Variants in RYR2 observed in about 807,000 individuals in gnomAD.
The protein encoded by RYR2 is ryanodine receptor 2, also known as cardiac muscle ryanodine receptor-calcium release channel.
Under a neutral mutation model 601.1 loss-of-function variants are expected in RYR2, and 227 were observed. The observed-to-expected ratio is 0.38, with a 90% CI of 0.34 to 0.42. The LOEUF (loss-of-function observed/expected upper bound fraction) is 0.42. RYR2 is among the 10% of genes least tolerant of loss of function. The pLI is 1.00. For missense variants in RYR2, 4,646 were observed against 6,156.5 expected, an observed-to-expected ratio of 0.75 and a Z score of 8.21; for synonymous variants, 2,223 against 2,175.1, an observed-to-expected ratio of 1.02 and a Z score of -0.61.
At chr1:237,620,881 C>T (rs1679001130) in intron 38 of RYR2, among the ~76,000 whole-genome samples, 1 of 152,106 alleles carries the variant, frequency 6.6e-6, no homozygotes, top group Non-Finnish European at 1.5e-5. Flanking sequence ...GAAAAATCAG[C>T]TATGACACGG....
intron 2 of RYR2, among the ~76,000 whole-genome samples, chr1:237,311,340 AATCTT>A (rs1475466334): frequency 3.9e-5 from 6 of 152,184 alleles, no homozygotes; most frequent in Non-Finnish European, 7.4e-5. Flanking sequence ...GTTAATTACA[AATCTT>A]ATCTTATGGG....
intron 2 of RYR2, among the ~76,000 whole-genome samples, chr1:237,329,346 T>G (rs1696483321): frequency 6.6e-6 from 1 of 151,818 alleles, no homozygotes; most frequent in African/African-American, 2.4e-5. Context: ...TTTTTTATAT[T>G]TAAAAAAAAT....
chr1:237,316,800 T>C (rs1695158485), intron 2 of RYR2, among the ~76,000 whole-genome samples: 1 of 152,220 alleles, frequency 6.6e-6, no homozygotes, highest in South Asian at 2.1e-4. Context: ...GCTTCTTTCC[T>C]GGGACTATTA....
At chr1:237,678,310 C>A (rs934561679) in intron 61 of RYR2, among the ~76,000 whole-genome samples, 198 bp downstream of exon 61, 6 of 152,178 alleles carry the variant, frequency 3.9e-5, no homozygotes, top group African/African-American at 1.4e-4. Flanking sequence ...CATTCCCTAC[C>A]GCATTCCTTC....
rs669375 is a variant in RYR2 at position 237,654,484 on chromosome 1, A to G, written c.7965+70A>G. The G allele has an allele frequency of 0.23, 335,387 of 1,463,034 alleles. 42,333 individuals are homozygous for G. Among genetic ancestry groups the G allele is most frequent in the East Asian group, 0.49 (21,221 of 43,332 alleles). 90.6% of individuals were successfully genotyped at this position (1,463,034 alleles called of 1,614,324 possible). ...TAGAGCCACACATTCTTAGTAAGATAGTATTCCTAGTTGAATACTATCTTT... is the reference window on the plus strand; with the variant it reads ...TAGAGCCACACATTCTTAGTAAGATGGTATTCCTAGTTGAATACTATCTTT... On this transcript the variant is annotated intron_variant, in intron 52 of 104. Coordinates refer to ENST00000366574, the MANE Select transcript of RYR2 (RefSeq NM_001035.3).
intron 19 of RYR2, among the ~76,000 whole-genome samples, chr1:237,493,303 T>C (rs1412108619): frequency 6.6e-6 from 1 of 152,208 alleles, no homozygotes; most frequent in Non-Finnish European, 1.5e-5. Flanking sequence ...CAAACACATG[T>C]ATAAGAGCTT....
intron 1 of RYR2, among the ~76,000 whole-genome samples, chr1:237,256,922 A>G (rs1480028392): frequency 1.3e-5 from 2 of 152,198 alleles, no homozygotes; most frequent in Admixed American, 6.5e-5. Context: ...GATATAGCCA[A>G]CCTTCTCTTT....
intron 2 of RYR2, among the ~76,000 whole-genome samples, chr1:237,292,875 G>T (rs780120994): frequency 6.6e-6 from 1 of 152,012 alleles, no homozygotes; most frequent in Non-Finnish European, 1.5e-5. Context: ...TGACCGGGCT[G>T]CACTTTGCAT....
At chr1:237,585,065 C>T (rs149303513) in intron 29 of RYR2, among the ~76,000 whole-genome samples, 1 of 152,170 alleles carries the variant, frequency 6.6e-6, no homozygotes, top group African/African-American at 2.4e-5. Context: ...TTTATTGGAA[C>T]ACCACCACGC....
chr1:237,226,395 T>C (rs1684370412), intron 1 of RYR2, among the ~76,000 whole-genome samples: 1 of 152,190 alleles, frequency 6.6e-6, no homozygotes, highest in South Asian at 2.1e-4. Context: ...ATGTTTTTGT[T>C]ACTGACAGTG....
At chr1:237,089,701 G>A (rs191956523) in intron 1 of RYR2, among the ~76,000 whole-genome samples, 2 of 152,198 alleles carry the variant, frequency 1.3e-5, no homozygotes, top group African/African-American at 2.4e-5. Context: ...AATAAGTCAT[G>A]TTCCTTTTAG....
chr1:237,528,573 T>C (rs1341380743), intron 24 of RYR2, among the ~76,000 whole-genome samples: 1 of 152,198 alleles, frequency 6.6e-6, no homozygotes, highest in African/African-American at 2.4e-5. Flanking sequence ...ATTCATACTT[T>C]TCTAGGTAGT....
At chr1:237,443,605 T>C (rs947827955) in intron 13 of RYR2, among the ~76,000 whole-genome samples, 7 of 152,232 alleles carry the variant, frequency 4.6e-5, no homozygotes, top group African/African-American at 1.7e-4. Context: ...AATTAATTAA[T>C]ATGTTATTCA....
At chr1:237,518,744 A>G (rs1399272297) in intron 24 of RYR2, among the ~76,000 whole-genome samples, 1 of 152,238 alleles carries the variant, frequency 6.6e-6, no homozygotes, top group African/African-American at 2.4e-5. Flanking sequence ...TCTTTTTGAT[A>G]TATGGATTTC....
intron 2 of RYR2, among the ~76,000 whole-genome samples, chr1:237,297,463 G>A (rs538077479): frequency 4.3e-4 from 65 of 152,102 alleles, no homozygotes; most frequent in Non-Finnish European, 5.7e-4. Context: ...AGTAAAGGTG[G>A]GTATTAGACT....
At chr1:237,508,209 C>T (rs1665466440) in intron 23 of RYR2, among the ~76,000 whole-genome samples, 1 of 152,154 alleles carries the variant, frequency 6.6e-6, no homozygotes. Context: ...GATCTGCCCA[C>T]CTCAGCCTCC....
At chr1:237,431,812 C>T (rs1191997916) in intron 12 of RYR2, among the ~76,000 whole-genome samples, 1 of 151,968 alleles carries the variant, frequency 6.6e-6, no homozygotes, top group African/African-American at 2.4e-5. Flanking sequence ...GCTAAATGTC[C>T]CTAGTGAGTG....
At chr1:237,762,999 G>A (rs1037791311) in intron 84 of RYR2, among the ~76,000 whole-genome samples, 13 of 152,062 alleles carry the variant, frequency 8.5e-5, no homozygotes, top group Admixed American at 6.5e-5. Flanking sequence ...GACAATTTCC[G>A]TGCATTCTTT....
chr1:237,381,681 A>G (rs911030734), intron 8 of RYR2, among the ~76,000 whole-genome samples: 1 of 152,192 alleles, frequency 6.6e-6, no homozygotes, highest in African/African-American at 2.4e-5. Context: ...CTCTGAGAAC[A>G]TGCCTTGTGG....
Sources: gnomAD v4.1 joint callset for allele counts (sites outside exome capture counted in the v4.1 genomes callset) on GRCh38, gnomAD v4.1.1 for gene constraint, MANE v1.5 for transcripts, NCBI Gene and HGNC (gene_info 2026-07-23, HGNC 2026-07-21) for gene names.